RTN1: variants seen among roughly 807,000 people sequenced by gnomAD.
RTN1 encodes reticulon-1.
RTN1 carries 25 observed loss-of-function variants against 65.5 expected under a neutral mutation model. The observed-to-expected ratio is 0.38, with a 90% CI of 0.28 to 0.53. The LOEUF (loss-of-function observed/expected upper bound fraction) is 0.53. RTN1 is among the 20% of genes least tolerant of loss of function. The pLI is 0.79. For missense variants in RTN1, 983 were observed against 1,025.4 expected, an observed-to-expected ratio of 0.96 and a Z score of 0.57; for synonymous variants, 471 against 447.6, an observed-to-expected ratio of 1.05 and a Z score of -0.66.
intron 3 of RTN1, among the ~76,000 whole-genome samples, chr14:59,690,868 A>C (rs1883946405): frequency 6.6e-6 from 1 of 152,202 alleles, no homozygotes; most frequent in African/African-American, 2.4e-5. Flanking sequence ...TTAAGGTATA[A>C]AGAAAAAAAA....
chr14:59,673,548 T>A (rs1883556648), intron 3 of RTN1, among the ~76,000 whole-genome samples: 1 of 152,008 alleles, frequency 6.6e-6, no homozygotes, highest in Non-Finnish European at 1.5e-5. Context: ...CGGCAGTGAG[T>A]AGGGGCCCAA....
At chr14:59,721,040 G>A (rs1026037021) in intron 3 of RTN1, among the ~76,000 whole-genome samples, 1 of 151,890 alleles carries the variant, frequency 6.6e-6, no homozygotes, top group African/African-American at 2.4e-5. Context: ...GAAAGTAAAT[G>A]GGTCATACTT....
At chr14:59,783,027 C>T (rs1208462861) in intron 1 of RTN1, among the ~76,000 whole-genome samples, 1 of 152,152 alleles carries the variant, frequency 6.6e-6, no homozygotes, top group South Asian at 2.1e-4. Context: ...CCCATTTACT[C>T]CCCACAACCA....
chr14:59,607,259 G>T (rs760665967), intron 4 of RTN1, 26 bp downstream of exon 4: 12 of 1,606,148 alleles, frequency 7.5e-6, no homozygotes, highest in Non-Finnish European at 1.0e-5. Flanking sequence ...GTCAGTGGGT[G>T]AGGGCTCCTC....
chr14:59,637,487 G>A (rs897009049), intron 3 of RTN1, among the ~76,000 whole-genome samples: 16 of 152,164 alleles, frequency 1.1e-4, no homozygotes, highest in Non-Finnish European at 1.8e-4. Context: ...GCTGAGGCAG[G>A]CGGCTCACGA....
rs546159658 is a variant in RTN1 at position 59,685,063 on chromosome 14, T to C, written c.1765+41856A>G. On this transcript the variant is annotated intron_variant, in intron 3 of 8. Coordinates refer to ENST00000267484, the MANE Select transcript of RTN1 (RefSeq NM_021136.3). ...AATGTAATACATCACATTAACAGAA[T>C]GCAGGATAAGACCCATATGATAATT... Among the ~76,000 whole-genome samples the C allele has an allele frequency of 2.0e-5, 3 of 152,258 alleles. No homozygotes were observed. The East Asian group carries it at 5.8e-4, about 29-fold the overall frequency.
At chr14:59,840,638 C>T (rs997651654) in intron 1 of RTN1, among the ~76,000 whole-genome samples, 1 of 152,154 alleles carries the variant, frequency 6.6e-6, no homozygotes, top group Non-Finnish European at 1.5e-5. Context: ...TATAATAATT[C>T]CAAAACTAAA....
Position 59,816,213 on chromosome 14 carries a change from T to C in RTN1, c.241+54177A>G, listed in dbSNP as rs527549262. Among the ~76,000 whole-genome samples the C allele has an allele frequency of 6.6e-6, 1 of 151,846 alleles. No individual in the cohort carries two copies. Among genetic ancestry groups the C allele is most frequent in the East Asian group, 1.9e-4 (1 of 5,158 alleles). Reference sequence around the variant, plus strand: ...AGTATGCACACACACACACACAAGCTTGCGTGCGTGCACACACACAGACAC... The same window carrying C: ...AGTATGCACACACACACACACAAGCCTGCGTGCGTGCACACACACAGACAC... On this transcript the variant is annotated intron_variant, in intron 1 of 8. Transcript: ENST00000267484. This position sits in a 1 kb window ranked among gnomAD's most constrained non-coding sequence, Gnocchi z 4.3.
At chr14:59,778,721 C>T (rs1405970570) in intron 1 of RTN1, among the ~76,000 whole-genome samples, 1 of 152,164 alleles carries the variant, frequency 6.6e-6, no homozygotes, top group Non-Finnish European at 1.5e-5. Flanking sequence ...TCCTAAAATA[C>T]AAGCAAGTGC....
At chr14:59,763,424 T>C (rs1885786889) in intron 1 of RTN1, among the ~76,000 whole-genome samples, 1 of 152,188 alleles carries the variant, frequency 6.6e-6, no homozygotes. Flanking sequence ...ACATCAAGAT[T>C]TATTTTCTTC....
intron 1 of RTN1, among the ~76,000 whole-genome samples, chr14:59,850,710 C>T (rs1027313318): frequency 2.0e-5 from 3 of 152,124 alleles, no homozygotes; most frequent in African/African-American, 7.2e-5. Context: ...GGTTATTATG[C>T]AAATAACAAT....
chr14:59,683,142 G>A (rs1357975763), intron 3 of RTN1, among the ~76,000 whole-genome samples: 1 of 151,994 alleles, frequency 6.6e-6, no homozygotes, highest in Non-Finnish European at 1.5e-5. Flanking sequence ...CTTTCTATTG[G>A]AAATCACTAG....
At chr14:59,787,919 CT>C (rs1886281441) in intron 1 of RTN1, among the ~76,000 whole-genome samples, 1 of 152,012 alleles carries the variant, frequency 6.6e-6, no homozygotes, top group Admixed American at 6.6e-5. Flanking sequence ...ATTTCTATAC[CT>C]TTTTCTTTCC....
At chr14:59,802,414 AT>A (rs140625671) in intron 1 of RTN1, among the ~76,000 whole-genome samples, 1,839 of 152,326 alleles carry the variant, frequency 0.012, 34 homozygotes, top group African/African-American at 0.041. Flanking sequence ...CTTTCTTTGT[AT>A]CATTAAACAG....
chr14:59,674,658 T>G (rs1883584618), intron 3 of RTN1, among the ~76,000 whole-genome samples: 1 of 152,162 alleles, frequency 6.6e-6, no homozygotes, highest in Admixed American at 6.5e-5. Context: ...TGTGCCCGTA[T>G]GTGTGTGTAT....
chr14:59,644,654 T>C (rs549430647), intron 3 of RTN1, among the ~76,000 whole-genome samples: 2 of 152,274 alleles, frequency 1.3e-5, no homozygotes, highest in East Asian at 3.9e-4. Flanking sequence ...GTTTCCATGG[T>C]ACCTCACAGG....
intron 3 of RTN1, among the ~76,000 whole-genome samples, chr14:59,637,096 A>G (rs1389095390): frequency 1.3e-5 from 2 of 152,232 alleles, no homozygotes; most frequent in Non-Finnish European, 2.9e-5. Context: ...CCTTACCCAC[A>G]GTAGAAGTTC....
chr14:59,821,940 T>A (rs985181306), intron 1 of RTN1, among the ~76,000 whole-genome samples: 8 of 152,196 alleles, frequency 5.3e-5, no homozygotes, highest in African/African-American at 1.9e-4. Flanking sequence ...GATTTTTGTG[T>A]CTATGTTCAA....
At chr14:59,793,897 C>T (rs918405385) in intron 1 of RTN1, among the ~76,000 whole-genome samples, 1 of 152,114 alleles carries the variant, frequency 6.6e-6, no homozygotes, top group Admixed American at 6.6e-5. Context: ...CACATTGCCC[C>T]CATGCCACAG....
Sources: allele counts gnomAD v4.1 joint callset (sites outside exome capture counted in the v4.1 genomes callset), GRCh38; gene constraint gnomAD v4.1.1; non-coding constraint Gnocchi (gnomAD v3.1); transcripts MANE v1.5; gene names NCBI Gene and HGNC (gene_info 2026-07-23, HGNC 2026-07-21).